The following PRIM2 variants were observed in gnomAD, a reference collection of about 807,000 sequenced individuals.
PRIM2 encodes DNA primase subunit 2.
In PRIM2, 39 loss-of-function variants were observed where a neutral mutation model predicts 67.3. The observed-to-expected ratio is 0.58, with a 90% confidence interval of 0.45 to 0.76. The LOEUF (loss-of-function observed/expected upper bound fraction) is 0.76, where lower values mean the gene tolerates loss of function less well. Ranked by LOEUF, PRIM2 falls within the 30% of genes least tolerant of loss-of-function variation. The probability of loss-of-function intolerance (pLI) is 0.00; values close to 1 mark genes in which losing one functional copy is unlikely to be tolerated. For missense variants in PRIM2, 398 were observed against 598.7 expected, an observed-to-expected ratio of 0.66 and a Z score of 3.50; for synonymous variants, 143 against 198.7, an observed-to-expected ratio of 0.72 and a Z score of 2.36.
upstream of PRIM2, among the ~76,000 whole-genome samples, chr6:57,311,167 C>T (rs368316533): frequency 4.9e-4 from 64 of 131,000 alleles, no homozygotes; most frequent in East Asian, 0.012. Flanking sequence ...ACCTCCCGGA[C>T]GGGGCGGCCG....
the PRIM2 span, among the ~76,000 whole-genome samples, chr6:57,244,997 C>T: frequency 6.6e-6 from 1 of 152,176 alleles, no homozygotes; most frequent in South Asian, 2.1e-4. Context: ...TGTGCAGATG[C>T]CTCAGGTACA....
chr6:57,512,607 T>G (rs1325700747), intron 8 of PRIM2, among the ~76,000 whole-genome samples: 2 of 152,156 alleles, frequency 1.3e-5, no homozygotes, highest in Non-Finnish European at 2.9e-5. Flanking sequence ...CTTTTCTTTT[T>G]TTTTGAGACA....
chr6:57,578,320 C>A (rs1775999723), intron 10 of PRIM2, among the ~76,000 whole-genome samples: 1 of 152,148 alleles, frequency 6.6e-6, no homozygotes, highest in Admixed American at 6.5e-5. Context: ...GGGGGACATA[C>A]TTTTAGACTA....
At chr6:57,236,622 G>T in the PRIM2 span, among the ~76,000 whole-genome samples, 2 of 151,888 alleles carry the variant, frequency 1.3e-5, no homozygotes, top group African/African-American at 2.4e-5. Flanking sequence ...GTGTCCAGGT[G>T]TTCTCATTGT....
intron 7 of PRIM2, among the ~76,000 whole-genome samples, chr6:57,438,699 G>C (rs1328541329): frequency 1.3e-5 from 2 of 152,140 alleles, no homozygotes; most frequent in Admixed American, 1.3e-4. Flanking sequence ...TATCTCCAGG[G>C]GGAGGGTGGT....
chr6:57,349,219 A>G (rs7738814), intron 5 of PRIM2, among the ~76,000 whole-genome samples: 3 of 152,152 alleles, frequency 2.0e-5, no homozygotes, highest in Non-Finnish European at 4.4e-5. Context: ...CAACTAGCCT[A>G]TGAGTTGAGG....
At chr6:57,316,020 G>A (rs1410728220), upstream of PRIM2, among the ~76,000 whole-genome samples, 15 of 152,156 alleles carry the variant, frequency 9.9e-5, no homozygotes, top group Admixed American at 9.8e-4. Context: ...AAGCTCTGCT[G>A]TCATATTACT....
the PRIM2 span, among the ~76,000 whole-genome samples, chr6:57,264,103 T>C: frequency 6.6e-6 from 1 of 152,246 alleles, no homozygotes. Context: ...TATTTATGTC[T>C]TCTGAGAGTG....
chr6:57,228,245 A>C, the PRIM2 span, among the ~76,000 whole-genome samples: 1 of 150,456 alleles, frequency 6.6e-6, no homozygotes, highest in Non-Finnish European at 1.5e-5. Context: ...ACTTTCATGA[A>C]GCTTCCTAGG....
chr6:57,569,646 G>C (rs1473114838), intron 10 of PRIM2, among the ~76,000 whole-genome samples: 1,822 of 152,164 alleles, frequency 0.012, 32 homozygotes, highest in African/African-American at 0.041. Flanking sequence ...ACTTGTAGAA[G>C]TATAATTAAA....
chr6:57,316,444 A>G (rs939903006), upstream of PRIM2, among the ~76,000 whole-genome samples: 1 of 152,278 alleles, frequency 6.6e-6, no homozygotes, highest in Non-Finnish European at 1.5e-5. Context: ...GGAATAACCT[A>G]TCTTATGTGG....
chr6:57,246,497 G>C, the PRIM2 span, among the ~76,000 whole-genome samples: 1 of 152,288 alleles, frequency 6.6e-6, no homozygotes, highest in East Asian at 1.9e-4. Context: ...ATCGGTGATG[G>C]GGGAGGAGCA....
chr6:57,279,638 T>A, the PRIM2 span, among the ~76,000 whole-genome samples: 32,519 of 151,956 alleles, frequency 0.21, 4,689 homozygotes, highest in African/African-American at 0.41. Flanking sequence ...GAAACAATGA[T>A]TATAGTGAAT....
chr6:57,627,279 C>CAAGAAAAAAA (rs1776965177), intron 12 of PRIM2, among the ~76,000 whole-genome samples: 1 of 24,538 alleles, frequency 4.1e-5, no homozygotes, highest in Non-Finnish European at 7.9e-5. Context: ...GACTCTGTCT[C>CAAGAAAAAAA]AAAAAAAAAA....
chr6:57,254,134 T>C, the PRIM2 span, among the ~76,000 whole-genome samples: 1 of 152,190 alleles, frequency 6.6e-6, no homozygotes, highest in African/African-American at 2.4e-5. Context: ...GAGCCTAGAA[T>C]TTCATTTCTA....
chr6:57,459,737 T>C (rs1772934159), intron 7 of PRIM2, among the ~76,000 whole-genome samples: 2 of 152,180 alleles, frequency 1.3e-5, no homozygotes, highest in East Asian at 1.9e-4. Context: ...ATGTTTTTGC[T>C]TTTAAGGCCT....
At chr6:57,503,378 A>G (rs1183804944) in intron 7 of PRIM2, among the ~76,000 whole-genome samples, 8 of 152,346 alleles carry the variant, frequency 5.3e-5, no homozygotes, top group Admixed American at 3.9e-4. Flanking sequence ...GATTTAGTCA[A>G]TATTTCTGCT....
chr6:57,523,406 T>A (rs1483517731), intron 8 of PRIM2, among the ~76,000 whole-genome samples: 4 of 152,258 alleles, frequency 2.6e-5, no homozygotes, highest in Admixed American at 6.5e-5. Flanking sequence ...CTTTTATGCC[T>A]CCATGATTGC....
At chr6:57,275,455 C>G in the PRIM2 span, among the ~76,000 whole-genome samples, 2 of 152,188 alleles carry the variant, frequency 1.3e-5, no homozygotes. Context: ...TGCCATTGCA[C>G]TCCAGCCTGG....
Sources: gnomAD v4.1 joint callset for allele counts (sites outside exome capture counted in the v4.1 genomes callset) on GRCh38, gnomAD v4.1.1 for gene constraint, MANE v1.5 for transcripts, NCBI Gene and HGNC (gene_info 2026-07-23, HGNC 2026-07-21) for gene names.